Variants in CLMP observed in about 807,000 individuals in gnomAD.
CLMP encodes CXADR like cell adhesion molecule.
CLMP carries 27 observed loss-of-function variants against 45.2 expected under a neutral mutation model. That is an observed-to-expected ratio of 0.60 (90% CI 0.44 to 0.82). The LOEUF is 0.82. Among genes scored for constraint, CLMP ranks in the 40% least tolerant of loss-of-function variants. The pLI, the probability that CLMP is intolerant of heterozygous loss-of-function variation, is 0.00. For synonymous variants in CLMP, 167 were observed against 171.4 expected (o/e 0.97, Z 0.20); for missense variants, 403 against 448.4 (o/e 0.90, Z 0.91).
chr11:123,118,987 TTCTTTCTTTCTTTCTCTC>T (rs1860765895), intron 1 of CLMP, among the ~76,000 whole-genome samples: 8 of 35,254 alleles, frequency 2.3e-4, no homozygotes, highest in Admixed American at 3.8e-4. Context: ...CTTTCTTTCT[TTCTTTCTTTCTTTCTCTC>T]TCTCTCTCTC....
Position 123,100,770 on chromosome 11 carries a change from C to T in CLMP, c.29-2818G>A, listed in dbSNP as rs114414253. ...CCATTGTGCCTGGGCTAAACTGTCT[C>T]AGGTCCCTTAATTTCTCTGCTTTTT... On this transcript the variant is annotated intron_variant, in intron 1 of 6. Coordinates refer to ENST00000448775, the MANE Select transcript of CLMP (RefSeq NM_024769.5). Among the ~76,000 whole-genome samples the T allele has an allele frequency of 8.5e-4, 129 of 152,266 alleles. 1 individual carries two copies. The highest frequency in any genetic ancestry group is 2.9e-3 in the African/African-American group (122 of 41,552).
At chr11:123,186,667 C>T (rs540299435) in intron 1 of CLMP, among the ~76,000 whole-genome samples, 3 of 152,242 alleles carry the variant, frequency 2.0e-5, no homozygotes, top group South Asian at 2.1e-4. Context: ...GGATTACAGG[C>T]GTGCGTCACC....
At chr11:123,119,548 G>C (rs567036138) in intron 1 of CLMP, among the ~76,000 whole-genome samples, 112 of 152,222 alleles carry the variant, frequency 7.4e-4, no homozygotes, top group African/African-American at 2.7e-3. Context: ...CCCTTAAAAA[G>C]CTTTTTCGAA....
chr11:123,150,496 G>GA (rs1565397510), intron 1 of CLMP, among the ~76,000 whole-genome samples: 5 of 86,992 alleles, frequency 5.7e-5, no homozygotes, highest in African/African-American at 2.3e-4. Flanking sequence ...AGGAAGGAAG[G>GA]AAGGAAGGAA....
At chr11:123,151,639 T>C (rs75490066) in intron 1 of CLMP, among the ~76,000 whole-genome samples, 4,118 of 152,316 alleles carry the variant, frequency 0.027, 176 homozygotes, top group African/African-American at 0.092. Context: ...ACTAAATGCC[T>C]GTGAAAGACA....
intron 1 of CLMP, among the ~76,000 whole-genome samples, chr11:123,166,390 G>A (rs1405592907): frequency 6.6e-6 from 1 of 152,250 alleles, no homozygotes; most frequent in Non-Finnish European, 1.5e-5. Flanking sequence ...GCCTGACAGA[G>A]CTTGTGTATC....
chr11:123,177,824 C>T (rs1479007850), intron 1 of CLMP, among the ~76,000 whole-genome samples: 1 of 151,990 alleles, frequency 6.6e-6, no homozygotes, highest in Non-Finnish European at 1.5e-5. Flanking sequence ...TAATTATATC[C>T]CAAAAAATCT....
At chr11:123,092,466 T>A (rs973081221) in intron 2 of CLMP, among the ~76,000 whole-genome samples, 10 of 151,652 alleles carry the variant, frequency 6.6e-5, no homozygotes, top group African/African-American at 2.2e-4. Context: ...CCCGGCTAAT[T>A]TTTGTATTTT....
At chr11:123,188,204 G>A (rs1309889721) in intron 1 of CLMP, among the ~76,000 whole-genome samples, 5 of 152,124 alleles carry the variant, frequency 3.3e-5, no homozygotes, top group African/African-American at 9.7e-5. Flanking sequence ...AGGCGCACCC[G>A]CTCTGTAATT....
chr11:123,078,948 T>C (rs1865771192), intron 5 of CLMP, among the ~76,000 whole-genome samples: 1 of 151,824 alleles, frequency 6.6e-6, no homozygotes, highest in Non-Finnish European at 1.5e-5. Flanking sequence ...CCGGCAAGTT[T>C]TATATTTTTA....
chr11:123,112,634 G>A (rs1024388033), intron 1 of CLMP, among the ~76,000 whole-genome samples: 8 of 150,656 alleles, frequency 5.3e-5, no homozygotes, highest in South Asian at 2.1e-4. Flanking sequence ...CGCTGTGCTC[G>A]GCCATCTGCA....
At position 123,078,157 on chromosome 11, in the gene CLMP, G is replaced by A. The variant is rs78089158; in HGVS notation, c.680-3314C>T. Among the ~76,000 whole-genome samples the A allele has an allele frequency of 1.8e-4, 28 of 152,064 alleles. No individual in the cohort carries two copies. In the East Asian group the frequency reaches 5.4e-3, roughly 29 times the overall value. On this transcript the variant is annotated intron_variant, in intron 5 of 6. Transcript: ENST00000448775. ...TTTTCCATATGTATTTGGACACTTGGGGCATGTCTCTAAAAGATAAATTCA... is the reference window on the plus strand; with the variant it reads ...TTTTCCATATGTATTTGGACACTTGAGGCATGTCTCTAAAAGATAAATTCA...
chr11:123,171,427 T>TTTTTC (rs550153098), intron 1 of CLMP, among the ~76,000 whole-genome samples: 60,283 of 138,730 alleles, frequency 0.43, 15,421 homozygotes, highest in East Asian at 0.58. Context: ...AAGATTTTTT[T>TTTTTC]TTTTCTTTTC....
chr11:123,111,918 G>A (rs1156612996), intron 1 of CLMP, among the ~76,000 whole-genome samples: 2 of 149,366 alleles, frequency 1.3e-5, no homozygotes, highest in African/African-American at 5.1e-5. Context: ...GACCAAAAAA[G>A]ACTTATTTAT....
At chr11:123,092,005 T>A (rs1020275540) in intron 2 of CLMP, among the ~76,000 whole-genome samples, 3 of 152,184 alleles carry the variant, frequency 2.0e-5, no homozygotes, top group Admixed American at 6.6e-5. Context: ...TGTCTTCTGA[T>A]AGATCTCGGC....
intron 2 of CLMP, among the ~76,000 whole-genome samples, chr11:123,090,336 C>T (rs1264240538): frequency 6.6e-6 from 1 of 151,522 alleles, no homozygotes; most frequent in African/African-American, 2.4e-5. Flanking sequence ...CACCTGTACT[C>T]CCAGGTACTC....
intron 1 of CLMP, among the ~76,000 whole-genome samples, chr11:123,129,335 C>T (rs1272030679): frequency 7.0e-6 from 1 of 142,344 alleles, no homozygotes; most frequent in African/African-American, 2.6e-5. Flanking sequence ...TCTTAATATA[C>T]ATATATATAA....
chr11:123,094,964 C>G (rs990172074), intron 2 of CLMP, among the ~76,000 whole-genome samples: 2 of 152,120 alleles, frequency 1.3e-5, no homozygotes, highest in Non-Finnish European at 2.9e-5. Context: ...AATGTCTTCT[C>G]ACTATAACCT....
In CLMP at chr11:123,079,971, T is replaced by G. The variant is rs1865785554; in HGVS notation, c.679+3114A>C. ...TAATAGTAATAATAGCTAGTGTTAC[T>G]GAACACCCACCATGTGTGAAGCCCT... On this transcript the variant is annotated intron_variant, in intron 5 of 6. Transcript: ENST00000448775. Among the ~76,000 whole-genome samples, 3 of 152,256 alleles carry G rather than the reference T, an allele frequency of 2.0e-5. No individual in the cohort carries two copies. In the South Asian group the frequency reaches 6.2e-4, roughly 31 times the overall value.
Sources: gnomAD v4.1 joint callset for allele counts (sites outside exome capture counted in the v4.1 genomes callset) on GRCh38, gnomAD v4.1.1 for gene constraint, MANE v1.5 for transcripts, NCBI Gene and HGNC (gene_info 2026-07-23, HGNC 2026-07-21) for gene names.